The following ZSCAN5A variants were observed in gnomAD, a reference collection of about 807,000 sequenced individuals.
The protein encoded by ZSCAN5A is zinc finger and SCAN domain containing 5A, also known as zinc finger and SCAN domain-containing protein 5A.
In ZSCAN5A, 12 loss-of-function variants were observed where a neutral mutation model predicts 23.7. The ratio of observed to expected loss-of-function variants is 0.51; its 90% confidence interval spans 0.32 to 0.82. ZSCAN5A has a LOEUF of 0.82. Ranked by LOEUF, ZSCAN5A falls within the 40% of genes least tolerant of loss-of-function variation. The probability of loss-of-function intolerance (pLI) is 0.03; values close to 1 mark genes in which losing one functional copy is unlikely to be tolerated. For synonymous variants in ZSCAN5A, 257 were observed against 239.9 expected, an observed-to-expected ratio of 1.07 and a Z score of -0.66; for missense variants, 597 against 617.9, an observed-to-expected ratio of 0.97 and a Z score of 0.36.
At chr19:56,341,714 A>C (rs891825075) in intron 2 of ZSCAN5A, among the ~76,000 whole-genome samples, 4 of 150,646 alleles carry the variant, frequency 2.7e-5, no homozygotes, top group South Asian at 2.1e-4. Context: ...AAAAAAAAAA[A>C]AAAAAAAAAA....
intron 2 of ZSCAN5A, chr19:56,245,397 C>A (rs1413902286): frequency 2.7e-6 from 2 of 743,110 alleles, no homozygotes; most frequent in Non-Finnish European, 5.0e-6. Flanking sequence ...CAGACCCTGC[C>A]CAGGGTCCCT....
intron 2 of ZSCAN5A, among the ~76,000 whole-genome samples, chr19:56,331,715 G>C (rs570488903): frequency 1.3e-5 from 2 of 149,734 alleles, no homozygotes; most frequent in East Asian, 4.0e-4. Context: ...AGCTTCCTGA[G>C]TAGCTGACAT....
chr19:56,237,780 C>G (rs1319278485), intron 2 of ZSCAN5A, among the ~76,000 whole-genome samples: 1 of 151,872 alleles, frequency 6.6e-6, no homozygotes, highest in East Asian at 1.9e-4. Flanking sequence ...ATTAGCCGGG[C>G]ATGGGTGGCG....
At chr19:56,278,579 G>T (rs2038442566) in intron 2 of ZSCAN5A, among the ~76,000 whole-genome samples, 1 of 152,228 alleles carries the variant, frequency 6.6e-6, no homozygotes, top group Non-Finnish European at 1.5e-5. Context: ...TACATATATA[G>T]ATAAAGATAT....
chr19:56,228,680 C>CTCACATATGAATGTCAAGATACTGAAAAA (rs2034201544), intron 2 of ZSCAN5A, among the ~76,000 whole-genome samples: 2 of 151,610 alleles, frequency 1.3e-5, no homozygotes, highest in Admixed American at 1.3e-4. Context: ...GAGCAAAGCT[C>CTCACATATGAATGTCAAGATACTGAAAAA]TCACATATGA....
intron 3 of ZSCAN5A, 60 bp downstream of exon 3, chr19:56,224,603 C>G (rs2033711904): frequency 6.5e-7 from 1 of 1,546,470 alleles, no homozygotes; most frequent in East Asian, 2.3e-5. Flanking sequence ...AGTCCAGCTG[C>G]ACCGTGCAGC....
intron 2 of ZSCAN5A, among the ~76,000 whole-genome samples, chr19:56,336,500 A>G (rs4801711): frequency 0.32 from 48,713 of 151,536 alleles, 12,326 homozygotes; most frequent in African/African-American, 0.71. Context: ...TTTTTTTCAA[A>G]GCTTTTAACT....
At chr19:56,332,568 CTT>C (rs2041499521) in intron 2 of ZSCAN5A, among the ~76,000 whole-genome samples, 1 of 152,204 alleles carries the variant, frequency 6.6e-6, no homozygotes, top group African/African-American at 2.4e-5. Context: ...AGATGGATCT[CTT>C]GATAACAGCA....
chr19:56,244,194 G>C (rs748172609), intron 2 of ZSCAN5A: 1 of 1,610,500 alleles, frequency 6.2e-7, no homozygotes, highest in Non-Finnish European at 8.5e-7. Flanking sequence ...AGGATGTTCA[G>C]CTGCCCAGAG....
At position 56,309,884 on chromosome 19, in the gene ZSCAN5A, A is replaced by C. The variant is rs554315034; in HGVS notation, c.-128+3399T>G. ...CTTGCCCTGGTGATGGGGCAGAGCT[A>C]GGGTCCATAAGATCTGAGGGAAGCG... On this transcript the variant is annotated intron_variant, in intron 2 of 5. Transcript: ENST00000683990. Among the ~76,000 whole-genome samples the C allele has an allele frequency of 1.3e-3, 203 of 152,296 alleles. No individual in the cohort carries two copies. The Middle Eastern group carries it at 0.014, about 10-fold the overall frequency.
chr19:56,244,154 T>G lies in ZSCAN5A; in HGVS notation c.-127-18981A>C, dbSNP rs548831607. On this transcript the variant is annotated intron_variant, in intron 2 of 5. Coordinates refer to ENST00000683990, the MANE Select transcript of ZSCAN5A (RefSeq NM_001322064.3). ...AGAAACTCAACTTGGAAATCATGAC[T>G]GGGACCCTGAGACTTGTCACGTGAA... 1,196 of 1,606,276 alleles carry G rather than the reference T, an allele frequency of 7.4e-4. 2 individuals carry two copies. Among genetic ancestry groups the G allele is most frequent in the South Asian group, 4.5e-3 (408 of 90,880 alleles).
At chr19:56,335,727 T>C (rs1303171261) in intron 2 of ZSCAN5A, among the ~76,000 whole-genome samples, 1 of 152,272 alleles carries the variant, frequency 6.6e-6, no homozygotes, top group East Asian at 1.9e-4. Context: ...TGCTACCAGT[T>C]GTTCCTTTCC....
intron 2 of ZSCAN5A, among the ~76,000 whole-genome samples, chr19:56,335,567 G>A (rs952921096): frequency 1.3e-5 from 2 of 152,178 alleles, no homozygotes; most frequent in Admixed American, 6.5e-5. Flanking sequence ...TTTAATTGGA[G>A]CATTTAGCCC....
chr19:56,234,904 G>A (rs908743593), intron 2 of ZSCAN5A, among the ~76,000 whole-genome samples: 7 of 152,228 alleles, frequency 4.6e-5, no homozygotes, highest in Non-Finnish European at 7.3e-5. Flanking sequence ...TTTCGTCTGT[G>A]GCTCGTCCTA....
chr19:56,291,626 A>G (rs73937227), intron 2 of ZSCAN5A, among the ~76,000 whole-genome samples: 1,569 of 152,072 alleles, frequency 0.01, 27 homozygotes, highest in African/African-American at 0.036. Flanking sequence ...TCTCAACAGC[A>G]CTGAAACCTA....
At chr19:56,329,454 G>C (rs1354568927) in intron 2 of ZSCAN5A, among the ~76,000 whole-genome samples, 1 of 151,924 alleles carries the variant, frequency 6.6e-6, no homozygotes, top group Non-Finnish European at 1.5e-5. Flanking sequence ...TGCTAAGAGG[G>C]AAATAGGAGA....
At chr19:56,286,356 C>T (rs995047283) in intron 2 of ZSCAN5A, 1 of 152,100 alleles carries the variant, frequency 6.6e-6, no homozygotes, top group African/African-American at 2.4e-5. Flanking sequence ...GGCCAAAAAA[C>T]ACTGCCCCCC....
intron 2 of ZSCAN5A, among the ~76,000 whole-genome samples, chr19:56,265,976 C>T (rs2037442029): frequency 6.6e-6 from 1 of 152,092 alleles, no homozygotes; most frequent in South Asian, 2.1e-4. Context: ...GGTAATTCTT[C>T]CAAAGGAAAT....
At chr19:56,365,283 G>A (rs543955104) in intron 1 of ZSCAN5A, among the ~76,000 whole-genome samples, 2 of 152,110 alleles carry the variant, frequency 1.3e-5, no homozygotes, top group Middle Eastern at 3.2e-3. Context: ...CTCTTTAGCC[G>A]ACTGCCTATG....
Sources: allele counts gnomAD v4.1 joint callset (sites outside exome capture counted in the v4.1 genomes callset), GRCh38; gene constraint gnomAD v4.1.1; transcripts MANE v1.5; gene names NCBI Gene and HGNC (gene_info 2026-07-23, HGNC 2026-07-21).